USH2A: variants seen among roughly 807,000 people sequenced by gnomAD.
USH2A encodes usherin.
A neutral mutation model predicts 538.9 loss-of-function variants in USH2A; 443 were observed. That is an observed-to-expected ratio of 0.82 (90% CI 0.76 to 0.89). The LOEUF (loss-of-function observed/expected upper bound fraction) is 0.89, where lower values mean the gene tolerates loss of function less well. USH2A is among the 40% of genes least tolerant of loss of function. The pLI, the probability that USH2A is intolerant of heterozygous loss-of-function variation, is 0.00. For missense variants in USH2A, 6,633 were observed against 6,324.8 expected, an observed-to-expected ratio of 1.05 and a Z score of -1.65; for synonymous variants, 2,413 against 2,273.5, an observed-to-expected ratio of 1.06 and a Z score of -1.75.
intron 3 of USH2A, among the ~76,000 whole-genome samples, chr1:216,416,984 C>T (rs1460774191): frequency 6.6e-6 from 1 of 152,072 alleles, no homozygotes; most frequent in Non-Finnish European, 1.5e-5. Flanking sequence ...GACTTCAAGA[C>T]AATGGAAACT....
At chr1:215,869,457 A>G (rs1664568366) in intron 43 of USH2A, among the ~76,000 whole-genome samples, 1 of 152,172 alleles carries the variant, frequency 6.6e-6, no homozygotes, top group Non-Finnish European at 1.5e-5. Context: ...AGTCTGGCCA[A>G]ATTTCCTTTG....
At chr1:216,373,756 C>T (rs1389152822) in intron 3 of USH2A, among the ~76,000 whole-genome samples, 1 of 112,136 alleles carries the variant, frequency 8.9e-6, no homozygotes, top group Non-Finnish European at 2.0e-5. Flanking sequence ...TCACATGTTG[C>T]CTTTAGTTGT....
intron 38 of USH2A, among the ~76,000 whole-genome samples, chr1:215,930,943 C>A (rs1666348381): frequency 6.6e-6 from 1 of 151,078 alleles, no homozygotes; most frequent in Admixed American, 6.6e-5. Context: ...TTAAATATAT[C>A]CTTTATTTCC....
At position 216,246,998 on chromosome 1, in the gene USH2A, G is replaced by A. The variant is rs2036063736; in HGVS notation, c.2396C>T (p.Thr799Ile). Residue 799 changes from threonine (T) to isoleucine (I), a missense_variant, in exon 13 of 72, where the codon ACA becomes ATA. Thr to Ile is a moderately conservative substitution (Grantham distance 89). Coordinates refer to ENST00000307340, the MANE Select transcript of USH2A (RefSeq NM_206933.4). The part of the protein sequence containing the change: ...VTNCKACDCD[T>I]AGSLPGTVCN... The stretch of plus-strand genomic sequence containing the variant: ...GACAGTCCCAGGGAGGGATCCAGCT[G>A]TGTCACAGTCACAGGCCTTACAATT... 2 of 1,613,950 alleles carry A rather than the reference G, an allele frequency of 1.2e-6. No individual in the cohort carries two copies. The highest frequency in any genetic ancestry group is 1.7e-5 in the Admixed American group (1 of 59,972).
chr1:216,179,453 G>T (rs1404997228), intron 20 of USH2A, among the ~76,000 whole-genome samples: 1 of 152,032 alleles, frequency 6.6e-6, no homozygotes, highest in Non-Finnish European at 1.5e-5. Context: ...CTGTCCTTTA[G>T]AAGTCAATTC....
At chr1:216,013,409 C>T (rs1372943259) in intron 32 of USH2A, among the ~76,000 whole-genome samples, 1 of 151,884 alleles carries the variant, frequency 6.6e-6, no homozygotes, top group Non-Finnish European at 1.5e-5. Flanking sequence ...TGTCCCAACA[C>T]TTTACCACTA....
At chr1:215,889,428 C>T (rs1665152860) in intron 40 of USH2A, among the ~76,000 whole-genome samples, 1 of 151,852 alleles carries the variant, frequency 6.6e-6, no homozygotes, top group Non-Finnish European at 1.5e-5. Context: ...TTTCTAGAGC[C>T]CCAGTAACTA....
intron 35 of USH2A, among the ~76,000 whole-genome samples, chr1:215,980,195 C>T (rs1027267784): frequency 3.9e-5 from 6 of 152,040 alleles, no homozygotes; most frequent in African/African-American, 1.4e-4. Flanking sequence ...CTGGATTGAG[C>T]GTTTTAATCA....
Position 216,404,408 on chromosome 1 carries a change from T to C in USH2A, c.651+14106A>G, listed in dbSNP as rs1327809760. 2.6e-5 allele frequency among the ~76,000 whole-genome samples: 4 copies of C among 152,018 alleles called. No homozygotes were observed. In the East Asian group the frequency reaches 5.8e-4, roughly 22 times the overall value. On this transcript the variant is annotated intron_variant, in intron 3 of 71. Coordinates refer to ENST00000307340, the MANE Select transcript of USH2A (RefSeq NM_206933.4). ...CTCTACTAGATATTATAGCTCACAGTACTCAAGAACATGTGGAATTGGTGG... is the reference window on the plus strand; with the variant it reads ...CTCTACTAGATATTATAGCTCACAGCACTCAAGAACATGTGGAATTGGTGG...
At chr1:215,980,703 G>C (rs151187910) in intron 35 of USH2A, among the ~76,000 whole-genome samples, 2 of 152,104 alleles carry the variant, frequency 1.3e-5, no homozygotes, top group East Asian at 3.9e-4. Context: ...TATATTAATA[G>C]AGTTATGTTG....
At chr1:216,268,687 C>T (rs989853899) in intron 11 of USH2A, among the ~76,000 whole-genome samples, 1 of 152,124 alleles carries the variant, frequency 6.6e-6, no homozygotes, top group Non-Finnish European at 1.5e-5. Flanking sequence ...TTCAGCTATA[C>T]AGCCCCTTTT....
chr1:215,917,884 G>C (rs1231714761), intron 38 of USH2A, among the ~76,000 whole-genome samples: 4 of 151,426 alleles, frequency 2.6e-5, no homozygotes, highest in Non-Finnish European at 5.9e-5. Context: ...AATTGCTTGA[G>C]CCCAGGAGAT....
At chr1:215,871,067 G>A (rs1571766470) in intron 43 of USH2A, among the ~76,000 whole-genome samples, 1 of 152,112 alleles carries the variant, frequency 6.6e-6, no homozygotes, top group African/African-American at 2.4e-5. Flanking sequence ...AGTCTATGAT[G>A]TAGCCAGTAA....
At chr1:216,242,225 G>C (rs1572084080) in intron 13 of USH2A, among the ~76,000 whole-genome samples, 2 of 151,230 alleles carry the variant, frequency 1.3e-5, no homozygotes, top group African/African-American at 4.8e-5. Flanking sequence ...AGCCAGGCCT[G>C]TAGTCCCAGC....
chr1:216,420,297 T>C (rs562915745), intron 2 of USH2A, among the ~76,000 whole-genome samples: 1 of 152,266 alleles, frequency 6.6e-6, no homozygotes, highest in Non-Finnish European at 1.5e-5. Context: ...TTATTGATTA[T>C]CTTCCTTGCT....
intron 11 of USH2A, among the ~76,000 whole-genome samples, chr1:216,283,284 G>T (rs1417469977): frequency 6.6e-6 from 1 of 152,054 alleles, no homozygotes; most frequent in African/African-American, 2.4e-5. Context: ...TAGAGATGGG[G>T]TTTCACCATG....
At chr1:216,177,980 A>C (rs994351421) in intron 20 of USH2A, among the ~76,000 whole-genome samples, 5 of 152,168 alleles carry the variant, frequency 3.3e-5, no homozygotes, top group Admixed American at 3.3e-4. Flanking sequence ...ACACAGACGC[A>C]AAGTCATTGC....
rs750209785 is a variant in USH2A at position 215,758,577 on chromosome 1, C to A, written c.11389+18G>T. 1.2e-6 allele frequency: 2 copies of A among 1,602,116 alleles called. No homozygotes were observed. The highest frequency in any genetic ancestry group is 3.3e-5 in the Admixed American group (2 of 59,926). On this transcript the variant is annotated intron_variant, in intron 58 of 71. Transcript: ENST00000307340. ...AAATGTTTACACACACACACACATA[C>A]TTCTTTTTTTTTTTTACCTGGTGGT...
At chr1:216,000,356 G>A (rs1355759285) in intron 33 of USH2A, 47 bp downstream of exon 33, 6 of 1,611,512 alleles carry the variant, frequency 3.7e-6, no homozygotes, top group Admixed American at 3.3e-5. Context: ...AACTCACTGA[G>A]ATTCTTGCAT....
Sources: allele counts gnomAD v4.1 joint callset (sites outside exome capture counted in the v4.1 genomes callset), GRCh38; gene constraint gnomAD v4.1.1; transcripts MANE v1.5; gene names NCBI Gene and HGNC (gene_info 2026-07-23, HGNC 2026-07-21).